The following NAALADL2 variants were observed in gnomAD, a reference collection of about 807,000 sequenced individuals.
NAALADL2 encodes the protein inactive N-acetylated-alpha-linked acidic dipeptidase-like protein 2.
A neutral mutation model predicts 87.2 loss-of-function variants in NAALADL2; 76 were observed. The observed-to-expected ratio is 0.87, with a 90% CI of 0.72 to 1.05. The LOEUF (loss-of-function observed/expected upper bound fraction) is 1.05, where lower values mean the gene tolerates loss of function less well. NAALADL2 is among the 50% of genes least tolerant of loss of function. The probability of loss-of-function intolerance (pLI) is 0.00; values close to 1 mark genes in which losing one functional copy is unlikely to be tolerated. For synonymous variants in NAALADL2, 354 were observed against 331.0 expected (o/e 1.07, Z -0.75); for missense variants, 1,089 against 945.8 (o/e 1.15, Z -1.99).
chr3:174,638,661 A>G (rs527545273), intron 2 of NAALADL2, among the ~76,000 whole-genome samples: 2 of 152,230 alleles, frequency 1.3e-5, no homozygotes, highest in East Asian at 3.9e-4. Context: ...TAAGATTTTC[A>G]GATGAGAGAC....
chr3:175,120,022 A>G (rs1460188219), intron 2 of NAALADL2, among the ~76,000 whole-genome samples: 1 of 150,078 alleles, frequency 6.7e-6, no homozygotes. Flanking sequence ...TGAAGTTTGA[A>G]TCATGCAAAA....
intron 5 of NAALADL2, among the ~76,000 whole-genome samples, chr3:175,421,566 A>G (rs189858151): frequency 9.5e-4 from 144 of 152,170 alleles, no homozygotes; most frequent in African/African-American, 3.4e-3. Context: ...TATTTGAAAG[A>G]ATTTTGTTGT....
chr3:175,591,696 A>G (rs1299741203), intron 10 of NAALADL2, among the ~76,000 whole-genome samples: 1 of 151,838 alleles, frequency 6.6e-6, no homozygotes, highest in Non-Finnish European at 1.5e-5. Context: ...AGCCATATCA[A>G]ACTGAGTGAC....
chr3:175,232,195 A>G (rs1210200207), intron 2 of NAALADL2, among the ~76,000 whole-genome samples: 2 of 97,364 alleles, frequency 2.1e-5, no homozygotes, highest in East Asian at 3.9e-4. Context: ...AGGAAGAGGA[A>G]GAAGAAGAAG....
chr3:175,782,679 T>A (rs1342346306), intron 13 of NAALADL2, among the ~76,000 whole-genome samples: 1 of 133,798 alleles, frequency 7.5e-6, no homozygotes, highest in Non-Finnish European at 1.5e-5. Flanking sequence ...GATGGTAGTT[T>A]CTTTTGCTGT....
intron 12 of NAALADL2, among the ~76,000 whole-genome samples, chr3:175,753,750 A>C (rs1181987703): frequency 1.3e-5 from 2 of 152,158 alleles, no homozygotes; most frequent in African/African-American, 2.4e-5. Context: ...TATTACGGGA[A>C]CTGGTAACCC....
At chr3:175,272,182 C>T (rs1752940910) in intron 4 of NAALADL2, among the ~76,000 whole-genome samples, 2 of 152,122 alleles carry the variant, frequency 1.3e-5, no homozygotes, top group African/African-American at 2.4e-5. Context: ...TAATTCAATT[C>T]ATTCCAGTAA....
At chr3:175,701,948 C>T (rs1466240728) in intron 11 of NAALADL2, among the ~76,000 whole-genome samples, 1 of 152,228 alleles carries the variant, frequency 6.6e-6, no homozygotes, top group African/African-American at 2.4e-5. Context: ...ACCACACTGA[C>T]ACTAATTTAT....
chr3:175,347,117 A>G (rs1024957638), intron 5 of NAALADL2, among the ~76,000 whole-genome samples: 1 of 152,158 alleles, frequency 6.6e-6, no homozygotes, highest in African/African-American at 2.4e-5. Context: ...TTCCAACACT[A>G]GCAGCACCCG....
At chr3:174,997,833 AAACAACAACAAC>A (rs60367540) in intron 1 of NAALADL2, among the ~76,000 whole-genome samples, 5 of 141,956 alleles carry the variant, frequency 3.5e-5, no homozygotes, top group Non-Finnish European at 7.4e-5. Flanking sequence ...ACCAAAAAGC[AAACAACAACAAC>A]AACAACAACA....
At chr3:174,754,294 T>C (rs1271382920) in intron 3 of NAALADL2, among the ~76,000 whole-genome samples, 2 of 152,148 alleles carry the variant, frequency 1.3e-5, no homozygotes, top group Non-Finnish European at 2.9e-5. Flanking sequence ...TACACAGAAG[T>C]ATAATAAAAT....
chr3:175,314,633 A>G (rs1758815722), intron 4 of NAALADL2, among the ~76,000 whole-genome samples: 2 of 115,064 alleles, frequency 1.7e-5, no homozygotes, highest in Admixed American at 9.4e-5. Context: ...TTTGAAAAGT[A>G]AAATTAGCGT....
intron 1 of NAALADL2, among the ~76,000 whole-genome samples, chr3:174,951,471 A>G (rs531296962): frequency 4.6e-5 from 7 of 152,224 alleles, no homozygotes; most frequent in Admixed American, 4.6e-4. Context: ...AAGTATAGAG[A>G]GGTTATGCTT....
At chr3:175,691,225 T>TATA (rs1736993861) in intron 11 of NAALADL2, among the ~76,000 whole-genome samples, 1 of 150,794 alleles carries the variant, frequency 6.6e-6, no homozygotes, top group Non-Finnish European at 1.5e-5. Flanking sequence ...TGTATATATA[T>TATA]TTATCTCTGT....
intron 3 of NAALADL2, among the ~76,000 whole-genome samples, chr3:174,810,653 C>T (rs922535882): frequency 2.0e-5 from 3 of 150,542 alleles, no homozygotes; most frequent in African/African-American, 7.3e-5. Flanking sequence ...GGAAGCAGAG[C>T]ATAAACATTT....
At chr3:175,021,005 G>C (rs1239739701) in intron 1 of NAALADL2, among the ~76,000 whole-genome samples, 5 of 152,020 alleles carry the variant, frequency 3.3e-5, no homozygotes, top group African/African-American at 9.7e-5. Context: ...GCTGACTACA[G>C]AACATAAAAC....
chr3:174,564,615 T>C (rs1714016447), intron 2 of NAALADL2, among the ~76,000 whole-genome samples: 1 of 152,130 alleles, frequency 6.6e-6, no homozygotes, highest in Non-Finnish European at 1.5e-5. Flanking sequence ...CTTTTAATGG[T>C]TTTGATTTAT....
chr3:174,633,357 A>G (rs1232695317), intron 2 of NAALADL2, among the ~76,000 whole-genome samples: 3 of 152,216 alleles, frequency 2.0e-5, no homozygotes, highest in Non-Finnish European at 4.4e-5. Flanking sequence ...AAGAGTCTTT[A>G]AAACACTTAA....
chr3:175,681,696 A>T (rs1245465625), intron 11 of NAALADL2, among the ~76,000 whole-genome samples: 1 of 152,190 alleles, frequency 6.6e-6, no homozygotes, highest in Middle Eastern at 3.2e-3. Flanking sequence ...GAAAACAGAC[A>T]ACTGAAGAGT....
Sources: allele counts gnomAD v4.1 joint callset (sites outside exome capture counted in the v4.1 genomes callset), GRCh38; gene constraint gnomAD v4.1.1; transcripts MANE v1.5; gene names NCBI Gene and HGNC (gene_info 2026-07-23, HGNC 2026-07-21).